Variants in XIRP2 observed in about 807,000 individuals in gnomAD.
The protein encoded by XIRP2 is xin actin binding repeat containing 2.
XIRP2 carries 236 observed loss-of-function variants against 277.0 expected under a neutral mutation model. The observed-to-expected ratio is 0.85, with a 90% CI of 0.77 to 0.95. The LOEUF (loss-of-function observed/expected upper bound fraction) is 0.95. Ranked by LOEUF, XIRP2 falls within the 40% of genes least tolerant of loss-of-function variation. The probability of loss-of-function intolerance (pLI) is 0.00; values close to 1 mark genes in which losing one functional copy is unlikely to be tolerated. For missense variants in XIRP2, 4,640 were observed against 4,157.5 expected (o/e 1.12, Z -3.19); for synonymous variants, 1,490 against 1,416.5 (o/e 1.05, Z -1.17).
intron 9 of XIRP2, among the ~76,000 whole-genome samples, chr2:167,252,161 G>C (rs976188177): frequency 6.6e-6 from 1 of 151,978 alleles, no homozygotes; most frequent in Non-Finnish European, 1.5e-5. Context: ...CTTGCACTGT[G>C]TGAGAATAAC....
chr2:167,007,128 T>C (rs985696652), intron 2 of XIRP2, among the ~76,000 whole-genome samples: 1 of 151,642 alleles, frequency 6.6e-6, no homozygotes, highest in Non-Finnish European at 1.5e-5. Context: ...ATAATTTCTA[T>C]GTCTCTAAAA....
rs960205870 is a variant in XIRP2 at position 167,027,408 on chromosome 2, A to AT, written c.409-108493dup. On this transcript the variant is annotated intron_variant, in intron 2 of 10. Transcript: ENST00000409195. ...GCTATTCTAGTTATCCATTCGTCTA[A>AT]TTTTTTTTCAAAAAGTTTCTAACTT... Among the ~76,000 whole-genome samples the AT allele has an allele frequency of 2.6e-5, 4 of 151,562 alleles. No homozygotes were observed. In the East Asian group the frequency reaches 7.7e-4, roughly 29 times the overall value.
At chr2:166,941,369 A>G (rs1434701359) in intron 2 of XIRP2, among the ~76,000 whole-genome samples, 1 of 152,190 alleles carries the variant, frequency 6.6e-6, no homozygotes, top group Non-Finnish European at 1.5e-5. Context: ...TAGGAAAGGA[A>G]ATTCCCTGAC....
At chr2:167,191,772 T>C (rs1188346176) in intron 3 of XIRP2, among the ~76,000 whole-genome samples, 1 of 152,236 alleles carries the variant, frequency 6.6e-6, no homozygotes, top group Non-Finnish European at 1.5e-5. Flanking sequence ...CTTTGTCTTT[T>C]ACATTTTTCG....
At chr2:167,023,849 G>A (rs1236289071) in intron 2 of XIRP2, among the ~76,000 whole-genome samples, 1 of 152,042 alleles carries the variant, frequency 6.6e-6, no homozygotes, top group African/African-American at 2.4e-5. Context: ...TGCTGTTTTG[G>A]TTACTGTAGC....
At chr2:167,079,666 A>G (rs1689676068) in intron 2 of XIRP2, among the ~76,000 whole-genome samples, 1 of 151,842 alleles carries the variant, frequency 6.6e-6, no homozygotes, top group Non-Finnish European at 1.5e-5. Context: ...TTTTATTTCT[A>G]GTGGATCAGT....
intron 2 of XIRP2, among the ~76,000 whole-genome samples, chr2:167,048,402 A>T (rs1688841108): frequency 6.6e-6 from 1 of 151,952 alleles, no homozygotes; most frequent in Admixed American, 6.6e-5. Flanking sequence ...TGAATTTTCA[A>T]TTAAAATAGT....
At chr2:167,171,451 C>T (rs1249368856) in intron 3 of XIRP2, among the ~76,000 whole-genome samples, 1 of 152,002 alleles carries the variant, frequency 6.6e-6, no homozygotes, top group African/African-American at 2.4e-5. Flanking sequence ...AAGGAACATA[C>T]TATGTAGGAA....
intron 2 of XIRP2, among the ~76,000 whole-genome samples, chr2:166,912,635 G>T (rs570680938): frequency 6.6e-6 from 1 of 152,314 alleles, no homozygotes; most frequent in Non-Finnish European, 1.5e-5. Flanking sequence ...ATCCAGCTTT[G>T]TTCTGTTGCT....
intron 3 of XIRP2, among the ~76,000 whole-genome samples, chr2:167,193,072 A>C (rs16853187): frequency 0.1 from 15,828 of 152,204 alleles, 1,708 homozygotes; most frequent in African/African-American, 0.28. Context: ...CCAGATCTGG[A>C]CAACAGCCTC....
intron 1 of XIRP2, among the ~76,000 whole-genome samples, chr2:166,901,771 TTTA>T (rs1208929301): frequency 2.0e-5 from 3 of 152,084 alleles, no homozygotes; most frequent in South Asian, 4.2e-4. Context: ...GATCTACTGT[TTTA>T]TTGAGATTTT....
chr2:167,103,066 G>A (rs1690527783), intron 2 of XIRP2, among the ~76,000 whole-genome samples: 1 of 152,150 alleles, frequency 6.6e-6, no homozygotes, highest in Non-Finnish European at 1.5e-5. Context: ...TTGAGCCTGG[G>A]AGGTTGAGAC....
intron 2 of XIRP2, among the ~76,000 whole-genome samples, chr2:167,115,429 GC>G: frequency 6.6e-6 from 1 of 152,248 alleles, no homozygotes; most frequent in South Asian, 2.1e-4. Context: ...AGGCACTCTG[GC>G]TTTTTGAGCT....
At chr2:167,149,658 C>G (rs1193913865) in intron 3 of XIRP2, among the ~76,000 whole-genome samples, 1 of 150,732 alleles carries the variant, frequency 6.6e-6, no homozygotes, top group Non-Finnish European at 1.5e-5. Flanking sequence ...ATCCCCAACT[C>G]AAAACTACAA....
At position 167,249,711 on chromosome 2, in the gene XIRP2, A is replaced by C; in HGVS notation, c.8319A>C (p.Leu2773Phe). 6.2e-7 allele frequency: 1 copy of C among 1,613,502 alleles called. No homozygotes were observed. Among genetic ancestry groups the C allele is most frequent in the Non-Finnish European group, 8.5e-7 (1 of 1,179,754 alleles). The change falls in exon 9 of 11, where the codon TTA becomes TTC. Residue 2773 changes from leucine to phenylalanine, a missense_variant. Leu to Phe is a conservative substitution (Grantham distance 22). Coordinates refer to ENST00000409195, the MANE Select transcript of XIRP2 (RefSeq NM_152381.6). ...KQSLAERHYQLPKKEKRVTVQ... is the reference protein window; with the variant it reads ...KQSLAERHYQFPKKEKRVTVQ... Reference sequence around the variant, plus strand: ...CTCTGGCTGAAAGACATTATCAGTTACCTAAGAAGGAGAAAAGAGTGACAG... The same window carrying C: ...CTCTGGCTGAAAGACATTATCAGTTCCCTAAGAAGGAGAAAAGAGTGACAG...
intron 4 of XIRP2, among the ~76,000 whole-genome samples, chr2:167,217,139 G>T (rs191505556): frequency 2.3e-5 from 3 of 131,510 alleles, no homozygotes; most frequent in East Asian, 5.2e-4. Flanking sequence ...GTGGTGGGGT[G>T]GGGGGAGGGG....
At chr2:166,938,719 T>C (rs1685596421) in intron 2 of XIRP2, among the ~76,000 whole-genome samples, 1 of 152,216 alleles carries the variant, frequency 6.6e-6, no homozygotes, top group Non-Finnish European at 1.5e-5. Context: ...ATTATTATTG[T>C]GTGGGAGTCT....
chr2:167,084,515 GGTACCAGTTCCTCCTT>G (rs1229914625), intron 2 of XIRP2, among the ~76,000 whole-genome samples: 1 of 151,196 alleles, frequency 6.6e-6, no homozygotes, highest in African/African-American at 2.4e-5. Flanking sequence ...CAGAAGGAAT[GGTACCAGTTCCTCCTT>G]GTACCTCTGG....
At chr2:166,983,438 A>T (rs1017079019) in intron 2 of XIRP2, among the ~76,000 whole-genome samples, 3 of 152,206 alleles carry the variant, frequency 2.0e-5, no homozygotes, top group Admixed American at 2.0e-4. Context: ...TCCAACATCC[A>T]GGTCATCTCT....
Sources: gnomAD v4.1 joint callset for allele counts (sites outside exome capture counted in the v4.1 genomes callset) on GRCh38, gnomAD v4.1.1 for gene constraint, MANE v1.5 for transcripts, NCBI Gene and HGNC (gene_info 2026-07-23, HGNC 2026-07-21) for gene names.